The following GRM4 variants were observed in gnomAD, a reference collection of about 807,000 sequenced individuals.
GRM4 encodes the protein metabotropic glutamate receptor 4.
In GRM4, 28 loss-of-function variants were observed where a neutral mutation model predicts 81.7. The ratio of observed to expected loss-of-function variants is 0.34; its 90% CI spans 0.25 to 0.47. The LOEUF (loss-of-function observed/expected upper bound fraction) is 0.47. Among genes scored for constraint, GRM4 ranks in the 20% least tolerant of loss-of-function variants. GRM4 has a pLI of 1.00. For synonymous variants in GRM4, 488 were observed against 528.8 expected (o/e 0.92, Z 1.06); for missense variants, 948 against 1,290.0 (o/e 0.73, Z 4.06).
intron 2 of GRM4, among the ~76,000 whole-genome samples, chr6:34,117,258 G>T (rs4713741): frequency 0.43 from 65,553 of 151,942 alleles, 15,831 homozygotes; most frequent in Non-Finnish European, 0.53. Context: ...AAGCTGGGGG[G>T]ATTTAGAGAC....
At chr6:34,120,053 C>T (rs184817995) in intron 2 of GRM4, among the ~76,000 whole-genome samples, 235 of 152,202 alleles carry the variant, frequency 1.5e-3, no homozygotes, top group Non-Finnish European at 2.4e-3. Flanking sequence ...CCTTGAAGAC[C>T]GAACCATGGG....
chr6:34,140,336 A>AC (rs1770629358), intron 1 of GRM4, among the ~76,000 whole-genome samples: 1 of 90,026 alleles, frequency 1.1e-5, no homozygotes, highest in African/African-American at 3.9e-5. Context: ...GGTTGATGCG[A>AC]TGAAGTCAGA....
chr6:34,058,046 C>T (rs887029093), intron 5 of GRM4, among the ~76,000 whole-genome samples: 3 of 151,924 alleles, frequency 2.0e-5, no homozygotes, highest in Non-Finnish European at 2.9e-5. Context: ...CTGAGAGGAC[C>T]GGGGCTGGGC....
chr6:34,081,507 T>G (rs1161420238), intron 3 of GRM4, among the ~76,000 whole-genome samples: 2 of 152,146 alleles, frequency 1.3e-5, no homozygotes. Flanking sequence ...AAGGCAGAAA[T>G]GTCCGCATGC....
chr6:34,036,547 GCT>G lies in GRM4; in HGVS notation c.1561_1562del (p.Ser521ProfsTer7). On this transcript the variant is annotated frameshift_variant, in exon 9 of 11. Transcript: ENST00000538487. LOFTEE classifies it high-confidence loss of function. This position sits in a 1 kb window ranked among gnomAD's most constrained non-coding sequence, Gnocchi z 9.0. Reference protein sequence around the residue: ...SGQQLPRSICSLPCQPGERKK... With the variant: ...SGQQLPRSICXLPCQPGERKK... ...TCCGCTCACCCGGTTGGCAGGGCAG[GCT>G]GCAGATGGAGCGGGGCAGCTGCTGC... 6.2e-7 allele frequency: 1 copy of G among 1,608,756 alleles called. No homozygotes were observed. Among genetic ancestry groups the G allele is most frequent in the Non-Finnish European group, 8.5e-7 (1 of 1,177,972 alleles).
chr6:34,027,449 T>C (rs1764186488), intron 10 of GRM4, among the ~76,000 whole-genome samples: 1 of 152,024 alleles, frequency 6.6e-6, no homozygotes, highest in Non-Finnish European at 1.5e-5. Flanking sequence ...CTGCTGGGTC[T>C]CCCCGGACAG....
chr6:34,059,306 T>C lies in GRM4; in HGVS notation c.873-178A>G. ...ATTCCCCCTACCCGCTGCCCTCACCTGCTCATAGACCCATGGCTACCGCCT... is the reference window on the plus strand; with the variant it reads ...ATTCCCCCTACCCGCTGCCCTCACCCGCTCATAGACCCATGGCTACCGCCT... On this transcript the variant is annotated intron_variant, in intron 4 of 10. Coordinates refer to ENST00000538487, the MANE Select transcript of GRM4 (RefSeq NM_000841.4). The surrounding 1 kb of genome is among the most constrained non-coding windows in gnomAD (Gnocchi z 5.7). 1 of 637,634 alleles carries C rather than the reference T, an allele frequency of 1.6e-6. No homozygotes were observed. Among genetic ancestry groups the C allele is most frequent in the Non-Finnish European group, 2.8e-6 (1 of 361,580 alleles). The allele number at this position is 637,634 out of a possible 1,614,324, so 39.5% of individuals were successfully genotyped here.
chr6:34,058,248 C>G (rs531377618), intron 5 of GRM4, among the ~76,000 whole-genome samples: 1 of 152,056 alleles, frequency 6.6e-6, no homozygotes, highest in Non-Finnish European at 1.5e-5. Context: ...GGCTAGAAGG[C>G]GCCATGGGCC....
Position 34,133,057 on chromosome 6 carries a change from G to C in GRM4, c.440C>G (p.Pro147Arg). 2 of 1,613,970 alleles carry C rather than the reference G, an allele frequency of 1.2e-6. No homozygotes were observed. Among genetic ancestry groups the C allele is most frequent in the Non-Finnish European group, 1.7e-6 (2 of 1,179,876 alleles). Residue 147 changes from proline to arginine, a missense_variant, in exon 2 of 11, where the codon CCT (proline) becomes CGT (arginine). Transcript: ENST00000538487. This position sits in a 1 kb window ranked among gnomAD's most constrained non-coding sequence, Gnocchi z 6.5. ...GSGGPPIITK[P>R]ERVVGVIGAS... Reference sequence around the variant, plus strand: ...ACCGATGACACCCACCACACGTTCAGGCTTGGTGATGATGGGTGGGCCGCC... The same window carrying C: ...ACCGATGACACCCACCACACGTTCACGCTTGGTGATGATGGGTGGGCCGCC...
chr6:34,148,780 G>A (rs1770991499), upstream of GRM4, among the ~76,000 whole-genome samples: 3 of 152,176 alleles, frequency 2.0e-5, no homozygotes, highest in South Asian at 6.2e-4. Context: ...ACCAGGGGCT[G>A]GGCCAAGGTC....
At chr6:34,084,427 C>T (rs1767770688) in intron 3 of GRM4, among the ~76,000 whole-genome samples, 2 of 152,086 alleles carry the variant, frequency 1.3e-5, no homozygotes, top group South Asian at 4.1e-4. Context: ...CCCAGGGAGC[C>T]TGGGGGGGAA....
chr6:34,061,819 A>G (rs1766193701), intron 4 of GRM4, 74 bp downstream of exon 4: 1 of 1,503,218 alleles, frequency 6.7e-7, no homozygotes, highest in Admixed American at 1.8e-5. Context: ...GAAGGTCTCC[A>G]GCAGGACAGG....
At chr6:34,155,526 T>A in exon 1 of GRM4, 1 of 561,950 alleles carries the variant, frequency 1.8e-6, no homozygotes, top group Non-Finnish European at 3.0e-6. Flanking sequence ...AATTAAAATC[T>A]GTTTTTTTGT....
chr6:34,101,413 G>A (rs996199549), intron 2 of GRM4, among the ~76,000 whole-genome samples: 3 of 152,202 alleles, frequency 2.0e-5, no homozygotes, highest in Non-Finnish European at 4.4e-5. Context: ...ACTAGCTGCA[G>A]AGCCCATGCT....
chr6:34,149,208 G>A (rs1163969874), upstream of GRM4, among the ~76,000 whole-genome samples: 1 of 151,342 alleles, frequency 6.6e-6, no homozygotes, highest in Non-Finnish European at 1.5e-5. Context: ...TTTAGGATTT[G>A]TTGAAATAAA....
intron 3 of GRM4, among the ~76,000 whole-genome samples, chr6:34,073,164 C>A (rs1194392409): frequency 8.7e-6 from 1 of 114,898 alleles, no homozygotes; most frequent in Non-Finnish European, 1.8e-5. Context: ...CAGACACACA[C>A]CCACACACCA....
rs3222082 is a variant in GRM4, at chr6:34,069,647, A to AGTGTGTGTGTGTGTGTGTGTGTGT, written c.737-7643_737-7620dup. On this transcript the variant is annotated intron_variant, in intron 3 of 10. Coordinates refer to ENST00000538487, the MANE Select transcript of GRM4 (RefSeq NM_000841.4). The surrounding 1 kb of genome is among the most constrained non-coding windows in gnomAD (Gnocchi z 6.4). ...GGCTTTACAACCCTTGGCAGCCCCC[A>AGTGTGTGTGTGTGTGTGTGTGTGT]GTGTGTGTGTGTGTGTGTGTGTGTG... is the stretch of plus-strand genomic sequence containing the variant. Among the ~76,000 whole-genome samples, 4 of 144,402 alleles carry AGTGTGTGTGTGTGTGTGTGTGTGT rather than the reference A, an allele frequency of 2.8e-5. No homozygotes were observed. The highest frequency in any genetic ancestry group is 9.9e-5 in the African/African-American group (4 of 40,362). The allele number at this position is 144,402 out of a possible 152,430, so 94.7% of individuals were successfully genotyped here.
chr6:34,124,506 A>C (rs561084616), intron 2 of GRM4, among the ~76,000 whole-genome samples: 1 of 152,188 alleles, frequency 6.6e-6, no homozygotes, highest in Non-Finnish European at 1.5e-5. Context: ...GAAGCCCACC[A>C]GGGCAGGGCT....
In GRM4 at chr6:34,125,353, C is replaced by T. The variant is rs983960830; in HGVS notation, c.519+7625G>A. ...ACCCCCCATACCTCAGGGTTCCCCT[C>T]GGAGGAAGCAGGCTTGAGAGGACTG... On this transcript the variant is annotated intron_variant, in intron 2 of 10. Coordinates refer to ENST00000538487, the MANE Select transcript of GRM4 (RefSeq NM_000841.4). Among the ~76,000 whole-genome samples the T allele has an allele frequency of 3.9e-5, 6 of 152,202 alleles. No individual in the cohort carries two copies. In the East Asian group the frequency reaches 1.2e-3, roughly 29 times the overall value.
Sources: gnomAD v4.1 joint callset for allele counts (sites outside exome capture counted in the v4.1 genomes callset) on GRCh38, gnomAD v4.1.1 for gene constraint, Gnocchi (gnomAD v3.1) non-coding constraint, MANE v1.5 for transcripts, NCBI Gene and HGNC (gene_info 2026-07-23, HGNC 2026-07-21) for gene names.